SUMF1: variants seen among roughly 807,000 people sequenced by gnomAD.
The protein encoded by SUMF1 is formylglycine-generating enzyme.
SUMF1 carries 48 observed loss-of-function variants against 47.6 expected under a neutral mutation model. The observed-to-expected ratio is 1.01, with a 90% confidence interval of 0.80 to 1.28. The LOEUF (loss-of-function observed/expected upper bound fraction) is 1.28. Ranked by LOEUF, SUMF1 falls within the 50% of genes most tolerant of loss-of-function variation. The pLI is 0.00. For synonymous variants in SUMF1, 230 were observed against 192.1 expected (o/e 1.20, Z -1.63); for missense variants, 571 against 485.4 (o/e 1.18, Z -1.66).
At chr3:4,286,316 T>C (rs1438575834) in intron 8 of SUMF1, among the ~76,000 whole-genome samples, 1 of 151,916 alleles carries the variant, frequency 6.6e-6, no homozygotes, top group Non-Finnish European at 1.5e-5. Flanking sequence ...TAAACATGAG[T>C]TTTCTGCATC....
At chr3:4,254,647 C>T (rs1408212906) in intron 8 of SUMF1, among the ~76,000 whole-genome samples, 3 of 120,556 alleles carry the variant, frequency 2.5e-5, no homozygotes, top group African/African-American at 8.3e-5. Flanking sequence ...ATTGGTGTAC[C>T]TGAAAGTGAT....
intron 6 of SUMF1, among the ~76,000 whole-genome samples, chr3:4,414,389 TTTC>T (rs1701640369): frequency 6.6e-6 from 1 of 152,208 alleles, no homozygotes; most frequent in Non-Finnish European, 1.5e-5. Flanking sequence ...CAGGGAGCTA[TTTC>T]CCTGTAGTCC....
intron 7 of SUMF1, among the ~76,000 whole-genome samples, chr3:4,403,084 A>G (rs777608719): frequency 2.0e-5 from 3 of 152,204 alleles, no homozygotes; most frequent in African/African-American, 7.2e-5. Flanking sequence ...CATGTATCCC[A>G]TGCTATCTGC....
chr3:4,433,553 TC>T (rs1702302774), intron 3 of SUMF1, among the ~76,000 whole-genome samples: 1 of 152,226 alleles, frequency 6.6e-6, no homozygotes, highest in African/African-American at 2.4e-5. Context: ...GGCCTGCCCT[TC>T]CCGAATAACT....
rs117407853 is a variant in SUMF1 at position 4,202,630 on chromosome 3, T to A, written c.1015-133885A>T. On this transcript the variant is annotated intron_variant and NMD_transcript_variant, in intron 8 of 12. Coordinates refer to the SUMF1 transcript ENST00000448413. ...ATATGAATTTTATGATTATTTTTTC[T>A]ATTTCTGTGAAGAATGTCATTGGTA... is the stretch of plus-strand genomic sequence containing the variant. Among the ~76,000 whole-genome samples, 32 of 152,170 alleles carry A rather than the reference T, an allele frequency of 2.1e-4. No homozygotes were observed. The East Asian group carries it at 6.0e-3, about 28-fold the overall frequency.
chr3:4,148,600 A>C (rs1021516689), intron 8 of SUMF1, among the ~76,000 whole-genome samples: 7 of 152,178 alleles, frequency 4.6e-5, no homozygotes, highest in African/African-American at 1.7e-4. Flanking sequence ...TAGCCTTTGC[A>C]AGCCATGCAC....
intron 8 of SUMF1, among the ~76,000 whole-genome samples, chr3:4,209,418 T>C (rs1160233722): frequency 6.6e-6 from 1 of 152,208 alleles, no homozygotes; most frequent in Non-Finnish European, 1.5e-5. Flanking sequence ...CATCCTAAGT[T>C]GCAGTCTCCT....
chr3:4,290,889 A>T (rs1376483341), intron 8 of SUMF1, among the ~76,000 whole-genome samples: 1 of 151,258 alleles, frequency 6.6e-6, no homozygotes, highest in East Asian at 2.0e-4. Flanking sequence ...GAAATTAGCC[A>T]TGGTAGGTGC....
intron 7 of SUMF1, among the ~76,000 whole-genome samples, chr3:4,403,908 T>C (rs1226104340): frequency 6.6e-6 from 1 of 152,216 alleles, no homozygotes; most frequent in Non-Finnish European, 1.5e-5. Context: ...TGGTACATTT[T>C]GGTGTTCTGC....
chr3:4,296,636 T>G (rs191830452), intron 8 of SUMF1, among the ~76,000 whole-genome samples: 3 of 152,244 alleles, frequency 2.0e-5, no homozygotes, highest in Non-Finnish European at 2.9e-5. Flanking sequence ...CCCAACCCCC[T>G]GATTCAATTA....
At chr3:4,313,500 G>T in intron 8 of SUMF1, 2 of 1,613,872 alleles carry the variant, frequency 1.2e-6, no homozygotes, top group Non-Finnish European at 1.7e-6. Context: ...AAGATATTGT[G>T]CCAGAAGAAG....
rs1697366948 is a variant in SUMF1, at chr3:4,274,145, C to T, written c.1014+102185G>A. Among the ~76,000 whole-genome samples, 5 of 152,120 alleles carry T rather than the reference C, an allele frequency of 3.3e-5. No homozygotes were observed. The South Asian group carries it at 1.0e-3, about 32-fold the overall frequency. ...CAAACAAACCACTCTAAGATATACACTTTCAATGTATGTCTAAAATCTCCA... is the reference window on the plus strand; with the variant it reads ...CAAACAAACCACTCTAAGATATACATTTTCAATGTATGTCTAAAATCTCCA... On this transcript the variant is annotated intron_variant and NMD_transcript_variant, in intron 8 of 12. Coordinates refer to the SUMF1 transcript ENST00000448413.
At chr3:4,310,691 A>G (rs1282672944) in intron 8 of SUMF1, among the ~76,000 whole-genome samples, 1 of 152,166 alleles carries the variant, frequency 6.6e-6, no homozygotes, top group Non-Finnish European at 1.5e-5. Context: ...TAAATTTGTA[A>G]GTAAAAATAA....
intron 8 of SUMF1, among the ~76,000 whole-genome samples, chr3:4,088,777 C>T (rs557280680): frequency 9.9e-5 from 15 of 152,136 alleles, no homozygotes; most frequent in Middle Eastern, 3.4e-3. Context: ...AAGATGCACA[C>T]GTCTCTGATT....
intron 8 of SUMF1, among the ~76,000 whole-genome samples, chr3:4,191,562 A>T (rs1329621241): frequency 6.6e-6 from 1 of 152,120 alleles, no homozygotes; most frequent in Non-Finnish European, 1.5e-5. Context: ...TGGGGAATGA[A>T]TTGAAAGAAA....
intron 8 of SUMF1, among the ~76,000 whole-genome samples, chr3:4,247,622 A>G (rs1476279656): frequency 1.3e-5 from 2 of 152,158 alleles, no homozygotes; most frequent in African/African-American, 4.8e-5. Context: ...TTTATTGGAG[A>G]CTAATTAAGA....
intron 8 of SUMF1, among the ~76,000 whole-genome samples, chr3:4,305,564 T>A (rs1436231945): frequency 1.3e-5 from 2 of 152,204 alleles, no homozygotes; most frequent in Admixed American, 6.5e-5. Flanking sequence ...ATGTGGATTT[T>A]TCCCACAAGA....
chr3:4,458,716 GT>G (rs1271701935), intron 1 of SUMF1, among the ~76,000 whole-genome samples: 4 of 152,004 alleles, frequency 2.6e-5, no homozygotes, highest in African/African-American at 9.7e-5. Context: ...TTAGCCAGGC[GT>G]TGGTGGCGGG....
intron 8 of SUMF1, chr3:4,303,531 G>A: frequency 1.4e-6 from 2 of 1,394,514 alleles, no homozygotes; most frequent in Non-Finnish European, 1.9e-6. Flanking sequence ...TTCCAGGTAG[G>A]GGCGGGGCCA....
Sources: allele counts gnomAD v4.1 joint callset (sites outside exome capture counted in the v4.1 genomes callset), GRCh38; gene constraint gnomAD v4.1.1; transcripts MANE v1.5; gene names NCBI Gene and HGNC (gene_info 2026-07-23, HGNC 2026-07-21).